CCDC91: variants seen among roughly 807,000 people sequenced by gnomAD.
CCDC91 encodes the protein coiled-coil domain containing 91, also known as coiled-coil domain-containing protein 91.
In CCDC91, 48 loss-of-function variants were observed where a neutral mutation model predicts 63.2. The ratio of observed to expected loss-of-function variants is 0.76; its 90% CI spans 0.60 to 0.97. CCDC91 has a LOEUF of 0.97. Ranked by LOEUF, CCDC91 falls within the 50% of genes least tolerant of loss-of-function variation. The pLI is 0.00. For missense variants in CCDC91, 500 were observed against 494.6 expected, an observed-to-expected ratio of 1.01 and a Z score of -0.10; for synonymous variants, 167 against 165.8, an observed-to-expected ratio of 1.01 and a Z score of -0.06.
chr12:28,242,294 G>A (rs1945399410), intron 1 of CCDC91, among the ~76,000 whole-genome samples: 1 of 152,090 alleles, frequency 6.6e-6, no homozygotes, highest in Admixed American at 6.5e-5. Context: ...AAACAAAGAA[G>A]CTTGTTTATA....
chr12:28,225,069 A>T (rs980175533), intron 1 of CCDC91, among the ~76,000 whole-genome samples: 7 of 152,206 alleles, frequency 4.6e-5, no homozygotes, highest in African/African-American at 7.2e-5. Context: ...CCTGATGCCA[A>T]GTTTAGTGCT....
chr12:28,412,834 G>C (rs1279857284), intron 8 of CCDC91: 1 of 448,714 alleles, frequency 2.2e-6, no homozygotes, highest in Admixed American at 2.4e-5. Flanking sequence ...GTGCTGATTG[G>C]TGTATTTTAC....
At chr12:28,472,421 C>T (rs1475160510) in intron 11 of CCDC91, among the ~76,000 whole-genome samples, 3 of 151,776 alleles carry the variant, frequency 2.0e-5, no homozygotes, top group Non-Finnish European at 4.4e-5. Flanking sequence ...TATATAGGTG[C>T]TTATATAATG....
At chr12:28,254,872 A>T (rs1293380680) in intron 1 of CCDC91, among the ~76,000 whole-genome samples, 1 of 151,440 alleles carries the variant, frequency 6.6e-6, no homozygotes, top group African/African-American at 2.4e-5. Context: ...CTCAGGTTCA[A>T]GCGATTCTTC....
At chr12:28,386,080 A>G (rs1046553122) in intron 7 of CCDC91, among the ~76,000 whole-genome samples, 3 of 152,186 alleles carry the variant, frequency 2.0e-5, no homozygotes, top group African/African-American at 4.8e-5. Flanking sequence ...TTCTTGTCTT[A>G]GATAATAACT....
intron 12 of CCDC91, among the ~76,000 whole-genome samples, chr12:28,522,646 G>C (rs1336578631): frequency 3.3e-5 from 5 of 152,048 alleles, no homozygotes; most frequent in Non-Finnish European, 5.9e-5. Flanking sequence ...TGCTTCTCTA[G>C]TTCTTTTAAT....
At chr12:28,451,534 A>G (rs1949803102) in intron 10 of CCDC91, among the ~76,000 whole-genome samples, 1 of 151,658 alleles carries the variant, frequency 6.6e-6, no homozygotes. Context: ...GTTTTCCAAT[A>G]TGTATGTTCC....
At chr12:28,237,893 C>G (rs372499959) in intron 1 of CCDC91, among the ~76,000 whole-genome samples, 32 of 152,302 alleles carry the variant, frequency 2.1e-4, no homozygotes, top group African/African-American at 7.0e-4. Flanking sequence ...GTGGACTTCT[C>G]TACTCTTTTT....
chr12:28,465,664 C>G (rs1950515725), intron 11 of CCDC91, among the ~76,000 whole-genome samples: 1 of 152,114 alleles, frequency 6.6e-6, no homozygotes, highest in African/African-American at 2.4e-5. Context: ...CATCCAAGTT[C>G]CTTTCAAATA....
intron 6 of CCDC91, among the ~76,000 whole-genome samples, chr12:28,337,960 A>G (rs1942113919): frequency 6.6e-6 from 1 of 152,168 alleles, no homozygotes; most frequent in Admixed American, 6.5e-5. Flanking sequence ...TTAATGCATC[A>G]TTAATAAATA....
chr12:28,217,265 C>T (rs1242864019), intron 1 of CCDC91, among the ~76,000 whole-genome samples: 2 of 152,088 alleles, frequency 1.3e-5, no homozygotes, highest in Admixed American at 1.3e-4. Flanking sequence ...TATATGTAAA[C>T]ACACATATTT....
At chr12:28,214,581 T>TTGTG (rs58203446) in intron 1 of CCDC91, among the ~76,000 whole-genome samples, 1 of 151,498 alleles carries the variant, frequency 6.6e-6, no homozygotes, top group Admixed American at 6.6e-5. Context: ...TTTGTTATGT[T>TTGTG]TGTGTGTGTG....
At chr12:28,372,194 T>G (rs1315462657) in intron 7 of CCDC91, among the ~76,000 whole-genome samples, 2 of 152,236 alleles carry the variant, frequency 1.3e-5, no homozygotes, top group African/African-American at 2.4e-5. Flanking sequence ...TACATTGGTC[T>G]AAGTATCTAA....
intron 8 of CCDC91, among the ~76,000 whole-genome samples, chr12:28,401,837 A>G (rs1325847601): frequency 1.3e-5 from 2 of 152,212 alleles, no homozygotes; most frequent in Non-Finnish European, 2.9e-5. Context: ...TCTTGTATCA[A>G]AAGAAGTTTT....
intron 6 of CCDC91, among the ~76,000 whole-genome samples, chr12:28,319,789 G>T (rs772988842): frequency 1.3e-5 from 2 of 151,270 alleles, no homozygotes; most frequent in East Asian, 3.9e-4. Context: ...TTGTTATATT[G>T]TATCATAATA....
At chr12:28,482,983 A>AT (rs900227071) in intron 11 of CCDC91, among the ~76,000 whole-genome samples, 2 of 152,048 alleles carry the variant, frequency 1.3e-5, no homozygotes, top group African/African-American at 4.8e-5. Flanking sequence ...TAAGTAAAAA[A>AT]TGCTAGAGTT....
intron 12 of CCDC91, among the ~76,000 whole-genome samples, chr12:28,485,356 G>C (rs1209046472): frequency 1.3e-5 from 2 of 151,776 alleles, no homozygotes; most frequent in Non-Finnish European, 2.9e-5. Context: ...AGTAGAGATG[G>C]GGTTTCACCA....
chr12:28,471,116 T>C (rs1256193509), intron 11 of CCDC91, among the ~76,000 whole-genome samples: 3 of 152,198 alleles, frequency 2.0e-5, no homozygotes, highest in Non-Finnish European at 4.4e-5. Flanking sequence ...AATTTCTAGA[T>C]TGTAAGACAT....
chr12:28,245,522 A>G (rs1279035719), intron 1 of CCDC91, among the ~76,000 whole-genome samples: 1 of 152,164 alleles, frequency 6.6e-6, no homozygotes, highest in African/African-American at 2.4e-5. Flanking sequence ...CTGTTCATCA[A>G]AAGCTGCCTT....
Sources: allele counts gnomAD v4.1 joint callset (sites outside exome capture counted in the v4.1 genomes callset), GRCh38; gene constraint gnomAD v4.1.1; transcripts MANE v1.5; gene names NCBI Gene and HGNC (gene_info 2026-07-23, HGNC 2026-07-21).